The following RAD23B variants were observed in gnomAD, a reference collection of about 807,000 sequenced individuals.
The protein encoded by RAD23B is lysine-specific demethylase RAD23B.
Under a neutral mutation model 49.1 loss-of-function variants are expected in RAD23B, and 5 were observed. That is an observed-to-expected ratio of 0.10 (90% CI 0.05 to 0.21). The LOEUF is 0.21. Ranked by LOEUF, RAD23B falls within the 10% of genes least tolerant of loss-of-function variation. The probability of loss-of-function intolerance (pLI) is 1.00; values close to 1 mark genes in which losing one functional copy is unlikely to be tolerated. For missense variants in RAD23B, 356 were observed against 486.7 expected, an observed-to-expected ratio of 0.73 and a Z score of 2.53; for synonymous variants, 184 against 165.4, an observed-to-expected ratio of 1.11 and a Z score of -0.86.
chr9:107,327,023 C>A (rs141590714), intron 9 of RAD23B, among the ~76,000 whole-genome samples: 1 of 152,078 alleles, frequency 6.6e-6, no homozygotes, highest in Non-Finnish European at 1.5e-5. Flanking sequence ...AATTTGTTGG[C>A]GTGCAATTGT....
At position 107,283,457 on chromosome 9, in the gene RAD23B, C is replaced by T; in HGVS notation, c.-173C>T. ...GGAGGCAGCGGCGCGGTCCGGGGCA[C>T]GGGCTGGGGGAGAGGCCGCTCCGCT... is the stretch of plus-strand genomic sequence containing the variant. On this transcript the variant is annotated 5_prime_UTR_variant, in exon 1 of 10. The change creates a new upstream start codon in the 5' untranslated region. Coordinates refer to ENST00000358015, the MANE Select transcript of RAD23B (RefSeq NM_002874.5). The T allele has an allele frequency of 2.2e-6, 1 of 456,980 alleles. No individual in the cohort carries two copies. The allele number at this position is 456,980 out of a possible 1,614,324, so 28.3% of individuals were successfully genotyped here.
intron 9 of RAD23B, among the ~76,000 whole-genome samples, chr9:107,327,232 ATTG>A (rs1428087288): frequency 1.3e-5 from 2 of 148,900 alleles, no homozygotes; most frequent in African/African-American, 2.4e-5. Flanking sequence ...GATTCTCCCT[ATTG>A]TTTTTCTAGT....
chr9:107,290,708 A>C lies in RAD23B; in HGVS notation c.66+7013A>C, dbSNP rs11573626. Reference sequence around the variant, plus strand: ...TTAGTGAATTGTGAAATTAGAAATAAATTTTGCAGTTTTTAAACAAATCCT... The same window carrying C: ...TTAGTGAATTGTGAAATTAGAAATACATTTTGCAGTTTTTAAACAAATCCT... On this transcript the variant is annotated intron_variant, in intron 1 of 9. Transcript: ENST00000358015. Among the ~76,000 whole-genome samples the C allele has an allele frequency of 5.5e-3, 841 of 152,346 alleles. 7 individuals carry two copies. Among genetic ancestry groups the C allele is most frequent in the African/African-American group, 0.019 (807 of 41,582 alleles).
intron 5 of RAD23B, among the ~76,000 whole-genome samples, chr9:107,317,953 T>C (rs112973815): frequency 1.3e-5 from 2 of 152,238 alleles, no homozygotes; most frequent in African/African-American, 4.8e-5. Context: ...AGGGAAACTG[T>C]GAACTTGTTC....
chr9:107,319,466 T>C (rs1827066521), intron 6 of RAD23B, among the ~76,000 whole-genome samples: 2 of 152,194 alleles, frequency 1.3e-5, no homozygotes, highest in Non-Finnish European at 2.9e-5. Flanking sequence ...CAAATTCTTT[T>C]GCTTATACTG....
At position 107,284,081 on chromosome 9, in the gene RAD23B, A is replaced by C. The variant is rs918722242; in HGVS notation, c.66+386A>C. 2.4e-5 allele frequency: 24 copies of C among 1,010,280 alleles called. No individual in the cohort carries two copies. The South Asian group carries it at 6.9e-4, about 29-fold the overall frequency. 62.6% of individuals were successfully genotyped at this position (1,010,280 alleles called of 1,614,324 possible). ...GGGGGAGGGAGACGTAGGCGTCGCCACTACCCCTGTGTGGACCTGGTTAGC... is the reference window on the plus strand; with the variant it reads ...GGGGGAGGGAGACGTAGGCGTCGCCCCTACCCCTGTGTGGACCTGGTTAGC... On this transcript the variant is annotated intron_variant, in intron 1 of 9. Coordinates refer to ENST00000358015, the MANE Select transcript of RAD23B (RefSeq NM_002874.5).
chr9:107,294,665 C>T (rs1032131941), intron 1 of RAD23B, among the ~76,000 whole-genome samples: 1 of 152,186 alleles, frequency 6.6e-6, no homozygotes, highest in African/African-American at 2.4e-5. Context: ...AGACACAGTT[C>T]TTCTACAGAT....
chr9:107,287,346 C>A (rs189138316), intron 1 of RAD23B, among the ~76,000 whole-genome samples: 7 of 152,178 alleles, frequency 4.6e-5, no homozygotes, highest in Admixed American at 4.6e-4. Flanking sequence ...TTGCCTTGAA[C>A]AACTAAAAAC....
chr9:107,310,358 G>T (rs1157949838), intron 4 of RAD23B, among the ~76,000 whole-genome samples: 2 of 152,104 alleles, frequency 1.3e-5, no homozygotes, highest in African/African-American at 4.8e-5. Flanking sequence ...TAACAGGAAA[G>T]ATTGATGAAT....
Position 107,318,732 on chromosome 9 carries a change from C to T in RAD23B, c.554-20C>T. 6.3e-7 allele frequency: 1 copy of T among 1,594,512 alleles called. No homozygotes were observed. The highest frequency in any genetic ancestry group is 8.6e-7 in the Non-Finnish European group (1 of 1,167,908). On this transcript the variant is annotated intron_variant, in intron 5 of 9. Transcript: ENST00000358015. The surrounding 1 kb of genome is among the most constrained non-coding windows in gnomAD (Gnocchi z 4.3). Reference sequence around the variant, plus strand: ...ATTTATTAAATGTTCCTTTTTTTCCCCTCCACCCTCCCTTTTTAGTGACGG... The same window carrying T: ...ATTTATTAAATGTTCCTTTTTTTCCTCTCCACCCTCCCTTTTTAGTGACGG...
chr9:107,314,733 C>A (rs1826957832), intron 5 of RAD23B, among the ~76,000 whole-genome samples: 1 of 152,178 alleles, frequency 6.6e-6, no homozygotes. Flanking sequence ...TTTTTAAGTT[C>A]TTTCAGAAAT....
chr9:107,301,530 G>A (rs1031467743), intron 2 of RAD23B, among the ~76,000 whole-genome samples: 13 of 151,938 alleles, frequency 8.6e-5, no homozygotes, highest in African/African-American at 3.1e-4. Flanking sequence ...TTAGTCAAAT[G>A]CTTATGCTTT....
intron 1 of RAD23B, chr9:107,284,735 A>C (rs748228273): frequency 8.9e-7 from 1 of 1,123,060 alleles, no homozygotes; most frequent in Non-Finnish European, 1.1e-6. Flanking sequence ...GCCCAACTCT[A>C]TTTTTAAAAG....
chr9:107,283,584 G>T lies in RAD23B; in HGVS notation c.-46G>T. The T allele has an allele frequency of 6.9e-7, 1 of 1,451,514 alleles. No individual in the cohort carries two copies. Among genetic ancestry groups the T allele is most frequent in the East Asian group, 3.1e-5 (1 of 31,778 alleles). 89.9% of individuals were successfully genotyped at this position (1,451,514 alleles called of 1,614,324 possible). A position where few individuals can be genotyped will look rare whatever the true frequency, so the allele number is the denominator to read the frequency against. ...GCCAGGCCACAGACCCCGCCCAGCG[G>T]CCAGCACCCGGCGCAGGCCCGGCAG... On this transcript the variant is annotated 5_prime_UTR_variant, in exon 1 of 10. Coordinates refer to ENST00000358015, the MANE Select transcript of RAD23B (RefSeq NM_002874.5).
chr9:107,289,213 C>T (rs1439641427), intron 1 of RAD23B, among the ~76,000 whole-genome samples: 1 of 150,308 alleles, frequency 6.7e-6, no homozygotes, highest in Non-Finnish European at 1.5e-5. Context: ...TCAACAAGGT[C>T]TTGCTCTGTC....
chr9:107,301,942 G>T, intron 2 of RAD23B, 93 bp from the exon 3 acceptor site: 6 of 1,463,176 alleles, frequency 4.1e-6, no homozygotes, highest in East Asian at 2.4e-5. Flanking sequence ...TAATATTTCT[G>T]AAATATTCAT....
At chr9:107,298,261 A>ACTTGTTT in intron 1 of RAD23B, among the ~76,000 whole-genome samples, 1 of 152,248 alleles carries the variant, frequency 6.6e-6, no homozygotes, top group South Asian at 2.1e-4. Flanking sequence ...TTTACATTTA[A>ACTTGTTT]ATAAGTTATT....
intron 9 of RAD23B, among the ~76,000 whole-genome samples, chr9:107,326,758 C>T (rs759000260): frequency 4.0e-5 from 6 of 150,766 alleles, no homozygotes; most frequent in South Asian, 2.1e-4. Flanking sequence ...CTCAGCCTCC[C>T]GAGTAGCTGG....
chr9:107,310,405 C>G (rs915111151), intron 4 of RAD23B, among the ~76,000 whole-genome samples: 1 of 152,070 alleles, frequency 6.6e-6, no homozygotes, highest in Admixed American at 6.6e-5. Flanking sequence ...GGAAACCAAA[C>G]TACACATTGC....
Sources: allele counts gnomAD v4.1 joint callset (sites outside exome capture counted in the v4.1 genomes callset), GRCh38; gene constraint gnomAD v4.1.1; non-coding constraint Gnocchi (gnomAD v3.1); transcripts MANE v1.5; gene names NCBI Gene and HGNC (gene_info 2026-07-23, HGNC 2026-07-21).